The following RNF168 variants were observed in gnomAD, a reference collection of about 807,000 sequenced individuals.
The protein encoded by RNF168 is ring finger protein 168.
In RNF168, 34 loss-of-function variants were observed where a neutral mutation model predicts 34.9. The ratio of observed to expected loss-of-function variants is 0.97; its 90% CI spans 0.74 to 1.30. RNF168 has a LOEUF of 1.30. Among genes scored for constraint, RNF168 ranks in the 50% most tolerant of loss-of-function variants. RNF168 has a pLI of 0.00. For missense variants in RNF168, 725 were observed against 682.5 expected (o/e 1.06, Z -0.69); for synonymous variants, 264 against 254.7 (o/e 1.04, Z -0.35).
chr3:196,480,325 GGAAAA>G (rs1399595945), intron 4 of RNF168, among the ~76,000 whole-genome samples: 4 of 152,120 alleles, frequency 2.6e-5, no homozygotes, highest in Admixed American at 6.6e-5. Context: ...TTGGTTGAAG[GGAAAA>G]GAAATCATTG....
chr3:196,472,417 T>C lies in RNF168; in HGVS notation c.1118A>G (p.Glu373Gly), dbSNP rs764141388. ...GATCAGTAGGCACGACTCTTCATTT[T>C]CTGTCTCACCTGTGTTGTTTCCATT... ...QTNGNNTGET[E>G]NEESCLLISK... The change falls in exon 6 of 6, where the codon GAA becomes GGA. Residue 373 changes from glutamate to glycine, a missense_variant. Transcript: ENST00000318037. The C allele has an allele frequency of 4.2e-5, 68 of 1,613,426 alleles. No homozygotes were observed. Among genetic ancestry groups the C allele is most frequent in the Non-Finnish European group, 5.4e-5 (64 of 1,179,874 alleles).
At chr3:196,485,915 G>A (rs1053830966) in intron 3 of RNF168, among the ~76,000 whole-genome samples, 1 of 152,106 alleles carries the variant, frequency 6.6e-6, no homozygotes, top group Non-Finnish European at 1.5e-5. Context: ...ACATGCCTCT[G>A]AAGATTGTAT....
At chr3:196,479,328 G>A (rs1411994149) in intron 4 of RNF168, among the ~76,000 whole-genome samples, 2 of 148,352 alleles carry the variant, frequency 1.3e-5, no homozygotes, top group Admixed American at 6.8e-5. Context: ...ATTTTTTAAG[G>A]CAGGGTCTTG....
chr3:196,488,999 C>T (rs760981075), intron 1 of RNF168, among the ~76,000 whole-genome samples: 1 of 152,094 alleles, frequency 6.6e-6, no homozygotes, highest in Non-Finnish European at 1.5e-5. Flanking sequence ...GGATTACAGG[C>T]ATGCGCCACC....
intron 1 of RNF168, among the ~76,000 whole-genome samples, chr3:196,492,605 CTA>C (rs1268356722): frequency 1.7e-4 from 26 of 151,996 alleles, no homozygotes; most frequent in African/African-American, 6.3e-4. Context: ...GCAAATAACC[CTA>C]TGTCTACTAA....
At chr3:196,501,531 A>C (rs1364937754) in intron 1 of RNF168, among the ~76,000 whole-genome samples, 1 of 152,148 alleles carries the variant, frequency 6.6e-6, no homozygotes, top group African/African-American at 2.4e-5. Context: ...ATAGAGACAG[A>C]AAGTGGAATA....
In RNF168 at chr3:196,492,205, T is replaced by C. The variant is rs529876110; in HGVS notation, c.302-3522A>G. On this transcript the variant is annotated intron_variant, in intron 1 of 5. Transcript: ENST00000318037. ...ACTTTACACATTAGATACAATAAAA[T>C]AGTAGCTAAGAGGCTGGGCACAGTG... is the stretch of plus-strand genomic sequence containing the variant. 2.6e-5 allele frequency among the ~76,000 whole-genome samples: 4 copies of C among 152,164 alleles called. No individual in the cohort carries two copies. The South Asian group carries it at 8.3e-4, about 32-fold the overall frequency.
chr3:196,496,416 T>C (rs1463507655), intron 1 of RNF168, among the ~76,000 whole-genome samples: 1 of 152,192 alleles, frequency 6.6e-6, no homozygotes, highest in Non-Finnish European at 1.5e-5. Flanking sequence ...CGTGGTACTC[T>C]GTGTCTTTAC....
chr3:196,474,506 G>A (rs548814419), intron 5 of RNF168, among the ~76,000 whole-genome samples: 14 of 148,216 alleles, frequency 9.4e-5, no homozygotes, highest in African/African-American at 2.8e-4. Context: ...GGAGGGCAAC[G>A]GCACGATCTC....
Position 196,503,021 on chromosome 3 carries a change from A to C in RNF168, c.153T>G (p.Cys51Trp), listed in dbSNP as rs1008901005. Residue 51 changes from cysteine to tryptophan, a missense_variant, in exon 1 of 6, where the codon TGT becomes TGG. Coordinates refer to ENST00000318037, the MANE Select transcript of RNF168 (RefSeq NM_152617.4). ...QSTVEKASLCCPFCRRRVSSW... is the reference protein window; with the variant it reads ...QSTVEKASLCWPFCRRRVSSW... ...ACGATACCCGGCGGCGACAGAAGGG[A>C]CAGCATAAACTCGCCTTTTCGACGG... 1.9e-6 allele frequency: 3 copies of C among 1,613,980 alleles called. No homozygotes were observed. Among genetic ancestry groups the C allele is most frequent in the Admixed American group, 1.7e-5 (1 of 60,002 alleles).
intron 1 of RNF168, among the ~76,000 whole-genome samples, chr3:196,496,156 T>C (rs1732739070): frequency 6.6e-6 from 1 of 152,146 alleles, no homozygotes; most frequent in African/African-American, 2.4e-5. Context: ...AGCCATAATA[T>C]AATTAGGGAT....
chr3:196,490,255 G>A (rs1322432570), intron 1 of RNF168, among the ~76,000 whole-genome samples: 1 of 152,174 alleles, frequency 6.6e-6, no homozygotes, highest in Non-Finnish European at 1.5e-5. Context: ...ATGTGGGTAT[G>A]TATCCTCAAC....
chr3:196,486,680 TAGAG>T (rs1344363608), intron 3 of RNF168, among the ~76,000 whole-genome samples: 1 of 152,208 alleles, frequency 6.6e-6, no homozygotes, highest in East Asian at 1.9e-4. Flanking sequence ...CCTTTGGGGA[TAGAG>T]ACTGATATAA....
chr3:196,500,868 T>A (rs373946590), intron 1 of RNF168, among the ~76,000 whole-genome samples: 1 of 149,796 alleles, frequency 6.7e-6, no homozygotes, highest in Non-Finnish European at 1.5e-5. Context: ...CGTGCCAACA[T>A]GCCCGGCTAA....
intron 1 of RNF168, among the ~76,000 whole-genome samples, chr3:196,497,251 T>C (rs1560276323): frequency 6.6e-6 from 1 of 152,202 alleles, no homozygotes; most frequent in Non-Finnish European, 1.5e-5. Context: ...ACATTATTTT[T>C]TTTAAAAAGT....
rs566239353 is a variant in RNF168, at chr3:196,490,314, G to A, written c.302-1631C>T. On this transcript the variant is annotated intron_variant, in intron 1 of 5. Coordinates refer to ENST00000318037, the MANE Select transcript of RNF168 (RefSeq NM_152617.4). The stretch of plus-strand genomic sequence containing the variant: ...ATAAAACAAGACACTGTTTTATAAA[G>A]TGTAAAAAGGGAACATCCAAAAAAG... Among the ~76,000 whole-genome samples the A allele has an allele frequency of 5.8e-4, 88 of 152,286 alleles. 1 individual carries two copies. The South Asian group carries it at 0.018, about 31-fold the overall frequency.
At chr3:196,489,330 ATGT>A (rs1560273031) in intron 1 of RNF168, among the ~76,000 whole-genome samples, 1 of 144,882 alleles carries the variant, frequency 6.9e-6, no homozygotes, top group Non-Finnish European at 1.5e-5. Context: ...TTAAAAAAAA[ATGT>A]TTTTTTTTTT....
chr3:196,477,199 T>C (rs1044752894), intron 4 of RNF168, among the ~76,000 whole-genome samples: 1 of 152,096 alleles, frequency 6.6e-6, no homozygotes, highest in Non-Finnish European at 1.5e-5. Context: ...TTGTAAAATA[T>C]CCAAACATGC....
intron 4 of RNF168, among the ~76,000 whole-genome samples, chr3:196,475,555 T>TTC (rs1365178087): frequency 1.3e-5 from 2 of 148,736 alleles, no homozygotes; most frequent in African/African-American, 4.9e-5. Flanking sequence ...ATTTTTTCTT[T>TTC]TTTTTTTTTT....
Sources: allele counts gnomAD v4.1 joint callset (sites outside exome capture counted in the v4.1 genomes callset), GRCh38; gene constraint gnomAD v4.1.1; transcripts MANE v1.5; gene names NCBI Gene and HGNC (gene_info 2026-07-23, HGNC 2026-07-21).